The following NHLRC3 variants were observed in gnomAD, a reference collection of about 807,000 sequenced individuals.
NHLRC3 encodes the protein NHL repeat containing 3, also known as NHL repeat-containing protein 3.
In NHLRC3, 23 loss-of-function variants were observed where a neutral mutation model predicts 32.0. That is an observed-to-expected ratio of 0.72 (90% CI 0.52 to 1.02). NHLRC3 has a LOEUF of 1.02. Among genes scored for constraint, NHLRC3 ranks in the 50% least tolerant of loss-of-function variants. NHLRC3 has a pLI of 0.00. For missense variants in NHLRC3, 407 were observed against 406.8 expected, an observed-to-expected ratio of 1.00 and a Z score of -0.01; for synonymous variants, 159 against 147.9, an observed-to-expected ratio of 1.08 and a Z score of -0.55.
Position 39,042,145 on chromosome 13 carries a change from T to G in NHLRC3, c.426T>G (p.Gly142=). ...CTGTTAAAAAATACAGTTCTTTTGG[T>G]GATCTTGTTCAAGTCTTGGGTACTC... ...GHTVKKYSSF[G]DLVQVLGTPG... is the part of the protein sequence containing the mutation. The change falls in exon 4 of 7, where the codon GGT becomes GGG. Residue 142 remains glycine, a synonymous_variant. Coordinates refer to ENST00000379600, the MANE Select transcript of NHLRC3 (RefSeq NM_001012754.4). The G allele has an allele frequency of 1.2e-6, 2 of 1,611,630 alleles. No individual in the cohort carries two copies. Among genetic ancestry groups the G allele is most frequent in the Admixed American group, 1.7e-5 (1 of 60,016 alleles).
chr13:39,047,836 G>A lies in NHLRC3; in HGVS notation c.954G>A (p.Lys318=). The A allele has an allele frequency of 1.2e-6, 2 of 1,614,100 alleles. No homozygotes were observed. The highest frequency in any genetic ancestry group is 1.7e-6 in the Non-Finnish European group (2 of 1,179,998). Reference sequence around the variant, plus strand: ...CACATCTCCTAGAAGTCGACAGAAAGACTGGAGCAGTCTATGTAGCAGAAA... The same window carrying A: ...CACATCTCCTAGAAGTCGACAGAAAAACTGGAGCAGTCTATGTAGCAGAAA... ...VLPHLLEVDR[K]TGAVYVAEIG... Residue 318 remains lysine (K), a synonymous_variant, in exon 7 of 7, where the codon AAG becomes AAA. Transcript: ENST00000379600.
rs1871797950 is a variant in NHLRC3 at position 39,048,903 on chromosome 13, C to T, written c.*977C>T. 1 of 152,240 alleles carries T rather than the reference C, an allele frequency of 6.6e-6. No homozygotes were observed. The highest frequency in any genetic ancestry group is 2.4e-5 in the African/African-American group (1 of 41,302). The allele number at this position is 152,240 out of a possible 1,614,324, so 9.4% of individuals were successfully genotyped here. A position where few individuals can be genotyped will look rare whatever the true frequency, so the allele number is the denominator to read the frequency against. On this transcript the variant is annotated 3_prime_UTR_variant, in exon 7 of 7. Coordinates refer to ENST00000379600, the MANE Select transcript of NHLRC3 (RefSeq NM_001012754.4). ...CAACTTATTCCTAACATTTGTCTAC[C>T]TCAAAGAAATTTCAAGATTATTTAG...
intron 3 of NHLRC3, chr13:39,041,732 T>A (rs1426855475): frequency 5.0e-6 from 1 of 199,070 alleles, no homozygotes. Context: ...TATAAGTTGT[T>A]CCCTTTACAT....
At chr13:39,041,199 C>CTTT (rs932213538) in intron 3 of NHLRC3, 16 of 146,646 alleles carry the variant, frequency 1.1e-4, no homozygotes, top group Non-Finnish European at 6.0e-5. Context: ...ACAAATTAGC[C>CTTT]TTTTTTTTTT....
chr13:39,039,487 A>AT, intron 2 of NHLRC3, 77 bp from the exon 3 acceptor site: 30 of 1,337,996 alleles, frequency 2.2e-5, no homozygotes, highest in South Asian at 4.1e-5. Context: ...ATTCTCAGTT[A>AT]TTTTTTTTCT....
rs1256625667 is a variant in NHLRC3, at chr13:39,048,739, T to A, written c.*813T>A. 6.6e-6 allele frequency: 1 copy of A among 152,252 alleles called. No homozygotes were observed. Among genetic ancestry groups the A allele is most frequent in the East Asian group, 1.9e-4 (1 of 5,194 alleles). The allele number at this position is 152,252 out of a possible 1,614,324, so 9.4% of individuals were successfully genotyped here. On this transcript the variant is annotated 3_prime_UTR_variant, in exon 7 of 7. Coordinates refer to ENST00000379600, the MANE Select transcript of NHLRC3 (RefSeq NM_001012754.4). ...TGTCCATTACCTATAAGATATTTAA[T>A]GTCAGTCAGCCTTTAAATGTAGGAA...
In NHLRC3 at chr13:39,039,228, T is replaced by C; in HGVS notation, c.177T>C (p.Phe59=). The change falls in exon 2 of 7, where the codon TTT becomes TTC. Residue 59 remains phenylalanine, a synonymous_variant. Coordinates refer to ENST00000379600, the MANE Select transcript of NHLRC3 (RefSeq NM_001012754.4). ...GTTGGCCTAAGCACCCAGAATATTT[T>C]ACCGGAACAACATTTTGTGTTGCAG... The part of the protein sequence containing the change: ...DVGWPKHPEY[F]TGTTFCVAVD... 6.2e-7 allele frequency: 1 copy of C among 1,614,048 alleles called. No individual in the cohort carries two copies.
At position 39,049,143 on chromosome 13, in the gene NHLRC3, A is replaced by G. The variant is rs1041921392; in HGVS notation, c.*1217A>G. 6.6e-6 allele frequency: 1 copy of G among 151,830 alleles called. No individual in the cohort carries two copies. Among genetic ancestry groups the G allele is most frequent in the African/African-American group, 2.4e-5 (1 of 41,102 alleles). The allele number at this position is 151,830 out of a possible 1,614,324, so 9.4% of individuals were successfully genotyped here. Reference sequence around the variant, plus strand: ...TTCAAATCATTCTTCACCCTTCCTCACATCAGCTTCCTGCTTTTCCCAGTG... The same window carrying G: ...TTCAAATCATTCTTCACCCTTCCTCGCATCAGCTTCCTGCTTTTCCCAGTG... On this transcript the variant is annotated 3_prime_UTR_variant, in exon 7 of 7. Transcript: ENST00000379600.
At chr13:39,039,890 C>T in intron 3 of NHLRC3, 179 bp downstream of exon 3, 2 of 517,484 alleles carry the variant, frequency 3.9e-6, no homozygotes, top group Non-Finnish European at 6.7e-6. Flanking sequence ...AGAAATTTAA[C>T]AAGGGCTGGA....
rs1871777860 is a variant in NHLRC3, at chr13:39,048,528, T to G, written c.*602T>G. ...TTGGAGTAGGAGTGCTGCATTTGAC[T>G]GAGGGAATCATGGATACTTCGCAGG... On this transcript the variant is annotated 3_prime_UTR_variant, in exon 7 of 7. Transcript: ENST00000379600. The G allele has an allele frequency of 6.6e-6, 1 of 152,240 alleles. No individual in the cohort carries two copies. The highest frequency in any genetic ancestry group is 1.5e-5 in the Non-Finnish European group (1 of 68,054). 9.4% of individuals were successfully genotyped at this position (152,240 alleles called of 1,614,324 possible). A position where few individuals can be genotyped will look rare whatever the true frequency, so the allele number is the denominator to read the frequency against.
At chr13:39,039,795 G>C in intron 3 of NHLRC3, 84 bp downstream of exon 3, 1 of 964,210 alleles carries the variant, frequency 1.0e-6, no homozygotes, top group Admixed American at 2.3e-5. Context: ...TAAAATCAGA[G>C]TTGCTGAATC....
intron 1 of NHLRC3, 58 bp from the exon 2 acceptor site, chr13:39,039,078 C>CCTT: frequency 1.3e-4 from 134 of 1,037,742 alleles, no homozygotes; most frequent in Non-Finnish European, 1.7e-4. Context: ...CCCCCCCGCC[C>CCTT]TTTTTTTGTT....
At chr13:39,045,721 A>G (rs143859727) in intron 5 of NHLRC3, among the ~76,000 whole-genome samples, 4 of 152,334 alleles carry the variant, frequency 2.6e-5, no homozygotes, top group African/African-American at 4.8e-5. Flanking sequence ...AAACTCTTTA[A>G]GAAAACCTAT....
intron 5 of NHLRC3, among the ~76,000 whole-genome samples, chr13:39,044,885 T>C (rs571201319): frequency 9.4e-4 from 143 of 152,354 alleles, no homozygotes; most frequent in Middle Eastern, 3.4e-3. Context: ...CTTCGTATCA[T>C]AGTAACTATC....
rs989278994 is a variant in NHLRC3, at chr13:39,038,567, G to T, written c.-73G>T. ...CAGACCCTCTGTGCCGCTGCAAACC[G>T]TTGCAGCCTGAGGCTGTCAGGTCCT... On this transcript the variant is annotated 5_prime_UTR_variant, in exon 1 of 7. Coordinates refer to ENST00000379600, the MANE Select transcript of NHLRC3 (RefSeq NM_001012754.4). 1.2e-5 allele frequency: 16 copies of T among 1,312,402 alleles called. No homozygotes were observed. The highest frequency in any genetic ancestry group is 1.7e-5 in the Non-Finnish European group (15 of 904,944). The allele number at this position is 1,312,402 out of a possible 1,614,324, so 81.3% of individuals were successfully genotyped here.
intron 4 of NHLRC3, among the ~76,000 whole-genome samples, chr13:39,043,700 G>A (rs1308265330): frequency 6.6e-6 from 1 of 152,164 alleles, no homozygotes; most frequent in African/African-American, 2.4e-5. Context: ...CCACCGTAGT[G>A]CGTAATAAAG....
intron 5 of NHLRC3, chr13:39,044,511 A>C (rs1406442542): frequency 2.1e-5 from 5 of 237,124 alleles, no homozygotes; most frequent in Non-Finnish European, 4.0e-5. Context: ...GTTACCTGAA[A>C]GAAAAAGTTG....
At chr13:39,046,688 C>T (rs1871691368) in intron 5 of NHLRC3, among the ~76,000 whole-genome samples, 1 of 152,192 alleles carries the variant, frequency 6.6e-6, no homozygotes, top group African/African-American at 2.4e-5. Context: ...AAAATGAATG[C>T]TTGTTAGAGG....
In NHLRC3 at chr13:39,039,722, T is replaced by C; in HGVS notation, c.385+11T>C. 6 of 1,584,678 alleles carry C rather than the reference T, an allele frequency of 3.8e-6. No homozygotes were observed. Among genetic ancestry groups the C allele is most frequent in the Non-Finnish European group, 5.2e-6 (6 of 1,157,512 alleles). Reference sequence around the variant, plus strand: ...CGGATGTAGGAAGTGGTATGTATAGTAATATCTATTAAATTATCTTACTGG... The same window carrying C: ...CGGATGTAGGAAGTGGTATGTATAGCAATATCTATTAAATTATCTTACTGG... On this transcript the variant is annotated intron_variant, in intron 3 of 6. Coordinates refer to ENST00000379600, the MANE Select transcript of NHLRC3 (RefSeq NM_001012754.4).
Sources: allele counts gnomAD v4.1 joint callset (sites outside exome capture counted in the v4.1 genomes callset), GRCh38; gene constraint gnomAD v4.1.1; transcripts MANE v1.5; gene names NCBI Gene and HGNC (gene_info 2026-07-23, HGNC 2026-07-21).